Variants in MAPKAPK5 observed in about 807,000 individuals in gnomAD.
MAPKAPK5 encodes the protein MAPK activated protein kinase 5.
Under a neutral mutation model 65.1 loss-of-function variants are expected in MAPKAPK5, and 30 were observed. The observed-to-expected ratio is 0.46, with a 90% CI of 0.34 to 0.63. The LOEUF (loss-of-function observed/expected upper bound fraction) is 0.63. Ranked by LOEUF, MAPKAPK5 falls within the 20% of genes least tolerant of loss-of-function variation. The pLI is 0.01. For synonymous variants in MAPKAPK5, 179 were observed against 204.6 expected, an observed-to-expected ratio of 0.87 and a Z score of 1.07; for missense variants, 433 against 581.4, an observed-to-expected ratio of 0.74 and a Z score of 2.63.
chr12:111,844,203 T>C (rs1663470464), intron 1 of MAPKAPK5, among the ~76,000 whole-genome samples: 1 of 148,938 alleles, frequency 6.7e-6, no homozygotes, highest in African/African-American at 2.5e-5. Context: ...TTTTGTTTTT[T>C]TTTTTGAGTC....
At chr12:111,867,736 C>G (rs1450407024) in intron 4 of MAPKAPK5, 67 bp downstream of exon 4, 1 of 1,167,586 alleles carries the variant, frequency 8.6e-7, no homozygotes, top group African/African-American at 1.5e-5. Context: ...GCTGTCCTCT[C>G]TTTTATGTGC....
intron 1 of MAPKAPK5, among the ~76,000 whole-genome samples, chr12:111,852,383 G>A (rs535940903): frequency 1.3e-5 from 2 of 152,280 alleles, no homozygotes; most frequent in South Asian, 4.1e-4. Flanking sequence ...TCATCCTGAA[G>A]ATGGGTGAAG....
intron 3 of MAPKAPK5, among the ~76,000 whole-genome samples, chr12:111,866,951 C>G (rs2069635038): frequency 6.6e-6 from 1 of 151,860 alleles, no homozygotes; most frequent in African/African-American, 2.4e-5. Flanking sequence ...CTGTTTGAAA[C>G]CGAGTCTTGC....
At chr12:111,866,047 C>A in intron 2 of MAPKAPK5, 109 bp from the exon 3 acceptor site, 2 of 841,140 alleles carry the variant, frequency 2.4e-6, no homozygotes, top group South Asian at 1.8e-5. Flanking sequence ...TCTGGATGCA[C>A]CTGGCCATAT....
At chr12:111,863,606 A>AT (rs56871695) in intron 1 of MAPKAPK5, among the ~76,000 whole-genome samples, 8,564 of 137,054 alleles carry the variant, frequency 0.062, 1,174 homozygotes, top group East Asian at 0.61. Context: ...ATGGATTTTG[A>AT]TTTTTTTTTT....
chr12:111,847,696 A>G (rs897606551), intron 1 of MAPKAPK5, among the ~76,000 whole-genome samples: 4 of 152,164 alleles, frequency 2.6e-5, no homozygotes, highest in African/African-American at 9.7e-5. Flanking sequence ...TTTTTAGTAA[A>G]TTTATAGAGG....
intron 13 of MAPKAPK5, among the ~76,000 whole-genome samples, chr12:111,892,439 C>T (rs1270852382): frequency 6.6e-6 from 1 of 152,166 alleles, no homozygotes; most frequent in East Asian, 1.9e-4. Flanking sequence ...TCCACACCAA[C>T]TCTTGCTATT....
Position 111,900,789 on chromosome 12 carries a change from T to G in MAPKAPK5, c.*7728T>G, listed in dbSNP as rs761670480. On this transcript the variant is annotated 3_prime_UTR_variant, in exon 14 of 14. Coordinates refer to ENST00000550735, the MANE Select transcript of MAPKAPK5 (RefSeq NM_003668.4). ...AGAATTTTGCAATGGTACATCTGCA[T>G]TATGCCCCAACAACAGGCATAAGCA... 6.6e-6 allele frequency: 3 copies of G among 456,128 alleles called. No individual in the cohort carries two copies. Among genetic ancestry groups the G allele is most frequent in the South Asian group, 4.6e-5 (3 of 64,570 alleles). The allele number at this position is 456,128 out of a possible 1,614,324, so 28.3% of individuals were successfully genotyped here.
chr12:111,889,489 G>T (rs141104869), intron 12 of MAPKAPK5: 247 of 166,780 alleles, frequency 1.5e-3, no homozygotes, highest in African/African-American at 5.4e-3. Flanking sequence ...TGACTTACAC[G>T]TGGGTCCTTT....
At chr12:111,850,101 T>C (rs2069029110) in intron 1 of MAPKAPK5, among the ~76,000 whole-genome samples, 1 of 152,170 alleles carries the variant, frequency 6.6e-6, no homozygotes. Context: ...TGATCTTGGC[T>C]CACTGCAACC....
chr12:111,865,083 A>G (rs1046526739), intron 1 of MAPKAPK5, among the ~76,000 whole-genome samples, 167 bp from the exon 2 acceptor site: 4 of 152,232 alleles, frequency 2.6e-5, no homozygotes, highest in African/African-American at 9.6e-5. Flanking sequence ...AGTCATTGTC[A>G]TTTAGACAAA....
At chr12:111,889,074 A>G (rs1180951547) in intron 12 of MAPKAPK5, 74 bp downstream of exon 12, 1 of 1,464,966 alleles carries the variant, frequency 6.8e-7, no homozygotes, top group Non-Finnish European at 9.3e-7. Context: ...GGGTGTATGC[A>G]TGCACATGGC....
At chr12:111,855,795 C>G (rs1210371872) in intron 1 of MAPKAPK5, among the ~76,000 whole-genome samples, 2 of 151,642 alleles carry the variant, frequency 1.3e-5, no homozygotes, top group Non-Finnish European at 2.9e-5. Flanking sequence ...CCACTGTACT[C>G]CAGCCTGGTG....
At chr12:111,864,916 C>T (rs2069553591) in intron 1 of MAPKAPK5, among the ~76,000 whole-genome samples, 1 of 152,158 alleles carries the variant, frequency 6.6e-6, no homozygotes, top group African/African-American at 2.4e-5. Flanking sequence ...AGCAAAGAGG[C>T]ATTTAGTAAT....
At chr12:111,881,820 G>A (rs1296606344) in intron 8 of MAPKAPK5, among the ~76,000 whole-genome samples, 1 of 152,210 alleles carries the variant, frequency 6.6e-6, no homozygotes. Context: ...GCTAGATATA[G>A]ATGACAGAAG....
rs774935495 is a variant in MAPKAPK5, at chr12:111,888,923, A to G, written c.1139A>G (p.Glu380Gly). ...PKDSVYIHDH[E>G]NGAEDSNVAL... ...GACAGTGTCTATATCCACGACCATG[A>G]GAATGGAGCCGAGGATTCCAATGTT... Residue 380 changes from glutamate (E) to glycine (G), a missense_variant, in exon 12 of 14, where the codon GAG becomes GGG. This residue lies in a region of MAPKAPK5 where 169 missense variants were observed against 215.6 expected (regional missense o/e 0.78). Transcript: ENST00000550735. 3 of 1,613,472 alleles carry G rather than the reference A, an allele frequency of 1.9e-6. No homozygotes were observed. The highest frequency in any genetic ancestry group is 1.7e-6 in the Non-Finnish European group (2 of 1,179,792).
At chr12:111,865,350 G>A in intron 2 of MAPKAPK5, 27 bp downstream of exon 2, 1 of 1,523,556 alleles carries the variant, frequency 6.6e-7, no homozygotes, top group Non-Finnish European at 9.0e-7. Flanking sequence ...AGAAACTATG[G>A]CAAATTGTTG....
chr12:111,842,676 C>G lies in MAPKAPK5; in HGVS notation c.-58C>G. The stretch of plus-strand genomic sequence containing the variant: ...CGAGCCCTTTGCTCCCTCGGCCGCG[C>G]GGGGACAGGGCTGCTGAGCAGCCTC... On this transcript the variant is annotated 5_prime_UTR_variant, in exon 1 of 14. Transcript: ENST00000550735. The G allele has an allele frequency of 7.7e-7, 1 of 1,298,626 alleles. No homozygotes were observed. Among genetic ancestry groups the G allele is most frequent in the Non-Finnish European group, 9.9e-7 (1 of 1,008,878 alleles). 80.4% of individuals were successfully genotyped at this position (1,298,626 alleles called of 1,614,324 possible).
At chr12:111,874,672 A>G (rs1005476863) in intron 7 of MAPKAPK5, among the ~76,000 whole-genome samples, 2 of 150,464 alleles carry the variant, frequency 1.3e-5, no homozygotes, top group African/African-American at 4.9e-5. Context: ...CATGTTGGCC[A>G]GGCTGGTCTC....
Sources: allele counts gnomAD v4.1 joint callset (sites outside exome capture counted in the v4.1 genomes callset), GRCh38; gene constraint gnomAD v4.1.1; regional missense constraint gnomAD v4.1.1; transcripts MANE v1.5; gene names NCBI Gene and HGNC (gene_info 2026-07-23, HGNC 2026-07-21).